NEDD4L: variants seen among roughly 807,000 people sequenced by gnomAD.
NEDD4L encodes the protein E3 ubiquitin-protein ligase NEDD4-like.
A neutral mutation model predicts 148.9 loss-of-function variants in NEDD4L; 54 were observed. The observed-to-expected ratio is 0.36, with a 90% CI of 0.29 to 0.45. The LOEUF (loss-of-function observed/expected upper bound fraction) is 0.45, where lower values mean the gene tolerates loss of function less well. Ranked by LOEUF, NEDD4L falls within the 20% of genes least tolerant of loss-of-function variation. NEDD4L has a pLI of 1.00. For synonymous variants in NEDD4L, 433 were observed against 440.7 expected (o/e 0.98, Z 0.22); for missense variants, 856 against 1,233.8 (o/e 0.69, Z 4.59).
chr18:58,268,212 A>G (rs936689504), intron 5 of NEDD4L, among the ~76,000 whole-genome samples: 4 of 152,056 alleles, frequency 2.6e-5, no homozygotes, highest in Non-Finnish European at 5.9e-5. Flanking sequence ...CAATCAGGTT[A>G]TGGTGGCAAG....
intron 13 of NEDD4L, among the ~76,000 whole-genome samples, chr18:58,338,525 A>G (rs997301638): frequency 1.3e-5 from 2 of 152,236 alleles, no homozygotes; most frequent in African/African-American, 4.8e-5. Flanking sequence ...AGTTCTCAAT[A>G]GAAGAGAGAA....
At chr18:58,124,933 T>C (rs111352776) in intron 1 of NEDD4L, among the ~76,000 whole-genome samples, 2,608 of 152,286 alleles carry the variant, frequency 0.017, 29 homozygotes, top group African/African-American at 0.026. Context: ...GGCAGGGTCT[T>C]ACACTGTCAC....
intron 11 of NEDD4L, among the ~76,000 whole-genome samples, chr18:58,331,748 TA>T (rs1242193908): frequency 4.0e-5 from 6 of 151,022 alleles, no homozygotes; most frequent in Admixed American, 1.3e-4. Context: ...AATGGCATCC[TA>T]AAAAAAAATA....
chr18:58,191,254 CT>C (rs1442388102), intron 2 of NEDD4L, among the ~76,000 whole-genome samples: 1 of 152,212 alleles, frequency 6.6e-6, no homozygotes, highest in Non-Finnish European at 1.5e-5. Context: ...AATAACCCCC[CT>C]GTCACCACAT....
At chr18:58,078,857 G>A (rs1029575718) in intron 1 of NEDD4L, among the ~76,000 whole-genome samples, 24 of 152,230 alleles carry the variant, frequency 1.6e-4, no homozygotes, top group Non-Finnish European at 2.8e-4. Flanking sequence ...AGACAATATG[G>A]TGGTGAAAAC....
intron 1 of NEDD4L, among the ~76,000 whole-genome samples, chr18:58,136,507 C>T (rs2032867167): frequency 6.6e-6 from 1 of 152,146 alleles, no homozygotes; most frequent in Admixed American, 6.5e-5. Context: ...TGCGGGGAAC[C>T]TGATGCTGAT....
intron 1 of NEDD4L, among the ~76,000 whole-genome samples, chr18:58,076,917 C>A (rs1006425200): frequency 2.1e-5 from 3 of 141,986 alleles, no homozygotes; most frequent in African/African-American, 7.9e-5. Context: ...GTGGTATGAT[C>A]TCAGCTCACT....
Position 58,255,722 on chromosome 18 carries a change from G to C in NEDD4L, c.297+3668G>C, listed in dbSNP as rs908117477. 11 of 1,232,308 alleles carry C rather than the reference G, an allele frequency of 8.9e-6. No individual in the cohort carries two copies. In the African/African-American group the frequency reaches 1.7e-4, roughly 19 times the overall value. The allele number at this position is 1,232,308 out of a possible 1,614,324, so 76.3% of individuals were successfully genotyped here. A position where few individuals can be genotyped will look rare whatever the true frequency, so the allele number is the denominator to read the frequency against. ...ATCAGACATCCTAGACCAGGAGAGA[G>C]AAGACGACTTCTTCATGGCATTCCA... On this transcript the variant is annotated intron_variant, in intron 5 of 30. Coordinates refer to ENST00000400345, the MANE Select transcript of NEDD4L (RefSeq NM_001144967.3).
chr18:58,122,295 T>C (rs1377516851), intron 1 of NEDD4L, among the ~76,000 whole-genome samples: 2 of 151,952 alleles, frequency 1.3e-5, no homozygotes, highest in South Asian at 4.2e-4. Flanking sequence ...AGGTCAGGAG[T>C]TCGAGACCAG....
intron 24 of NEDD4L, among the ~76,000 whole-genome samples, chr18:58,378,102 G>A (rs1456063213): frequency 1.3e-5 from 2 of 152,178 alleles, no homozygotes; most frequent in Non-Finnish European, 2.9e-5. Context: ...AGTAGTTGGA[G>A]GGAGACCATG....
chr18:58,201,656 G>A (rs1450036782), intron 2 of NEDD4L, among the ~76,000 whole-genome samples: 4 of 152,164 alleles, frequency 2.6e-5, no homozygotes, highest in Non-Finnish European at 5.9e-5. Context: ...TTACGTTCGT[G>A]TATTAAGGCA....
Position 58,084,001 on chromosome 18 carries a change from G to C in NEDD4L, c.48+39293G>C, listed in dbSNP as rs1372497073. ...CTGCCTCAGCCCCTCAAAGTGCTGGGATTACAGGCGTGAGCCAGTGCGCCC... is the reference window on the plus strand; with the variant it reads ...CTGCCTCAGCCCCTCAAAGTGCTGGCATTACAGGCGTGAGCCAGTGCGCCC... On this transcript the variant is annotated intron_variant, in intron 1 of 30. Coordinates refer to ENST00000400345, the MANE Select transcript of NEDD4L (RefSeq NM_001144967.3). 2.0e-5 allele frequency among the ~76,000 whole-genome samples: 3 copies of C among 152,196 alleles called. No homozygotes were observed. The East Asian group carries it at 5.8e-4, about 29-fold the overall frequency.
intron 2 of NEDD4L, among the ~76,000 whole-genome samples, chr18:58,244,344 C>G (rs2148396045): frequency 6.6e-6 from 1 of 152,158 alleles, no homozygotes; most frequent in Admixed American, 6.5e-5. Context: ...AAGTATGAAG[C>G]AAAATAAATT....
At chr18:58,081,209 AC>A (rs1418385588) in intron 1 of NEDD4L, among the ~76,000 whole-genome samples, 1 of 107,690 alleles carries the variant, frequency 9.3e-6, no homozygotes, top group Non-Finnish European at 1.9e-5. Flanking sequence ...TTGGAACACC[AC>A]CCTTTTTTTT....
chr18:58,133,761 G>A (rs2032480263), intron 1 of NEDD4L, among the ~76,000 whole-genome samples: 1 of 152,186 alleles, frequency 6.6e-6, no homozygotes, highest in African/African-American at 2.4e-5. Flanking sequence ...AGGACACAGA[G>A]TTGCCATGAA....
intron 1 of NEDD4L, among the ~76,000 whole-genome samples, chr18:58,127,043 G>A (rs112924025): frequency 1.2e-4 from 19 of 152,282 alleles, no homozygotes; most frequent in African/African-American, 4.3e-4. Context: ...GGCTGCTCGC[G>A]GCTTGGTCAC....
At chr18:58,208,074 G>A (rs2042152454) in intron 2 of NEDD4L, among the ~76,000 whole-genome samples, 1 of 152,096 alleles carries the variant, frequency 6.6e-6, no homozygotes, top group Non-Finnish European at 1.5e-5. Context: ...AAAGAGCAGA[G>A]TGGTATTATT....
intron 1 of NEDD4L, among the ~76,000 whole-genome samples, chr18:58,147,439 G>A (rs1444133850): frequency 1.3e-5 from 2 of 152,190 alleles, no homozygotes; most frequent in Admixed American, 1.3e-4. Context: ...GAGAAGCTAT[G>A]TTATTGGAAC....
chr18:58,304,346 CAAAAAAA>C (rs147670637), intron 5 of NEDD4L, among the ~76,000 whole-genome samples: 18 of 64,310 alleles, frequency 2.8e-4, no homozygotes, highest in African/African-American at 8.6e-4. Context: ...CCTGTCTCTA[CAAAAAAA>C]AAAAAAAAAA....
Sources: allele counts gnomAD v4.1 joint callset (sites outside exome capture counted in the v4.1 genomes callset), GRCh38; gene constraint gnomAD v4.1.1; transcripts MANE v1.5; gene names NCBI Gene and HGNC (gene_info 2026-07-23, HGNC 2026-07-21).